The following OR5T2 variants were observed in gnomAD, a reference collection of about 807,000 sequenced individuals.
OR5T2 encodes olfactory receptor 5T2.
In OR5T2, 12 loss-of-function variants were observed where a neutral mutation model predicts 13.7. The ratio of observed to expected loss-of-function variants is 0.88; its 90% CI spans 0.56 to 1.42. OR5T2 has a LOEUF of 1.42. Ranked by LOEUF, OR5T2 falls within the 40% of genes most tolerant of loss-of-function variation. OR5T2 has a pLI of 0.00. For missense variants in OR5T2, 475 were observed against 372.0 expected, an observed-to-expected ratio of 1.28 and a Z score of -2.28; for synonymous variants, 146 against 139.5, an observed-to-expected ratio of 1.05 and a Z score of -0.33.
At chr11:56,233,687 A>G (rs2134765884) in intron 1 of OR5T2, among the ~76,000 whole-genome samples, 1 of 152,240 alleles carries the variant, frequency 6.6e-6, no homozygotes, top group South Asian at 2.1e-4. Context: ...ATTAAATCCA[A>G]TGAACAGTTA....
chr11:56,233,226 A>G lies in OR5T2; in HGVS notation c.-164T>C. ...TAATTCTCTAGTAGTGAATCAGAAGACAGTGACAAACTGGTCAGCCATGTG... is the reference window on the plus strand; with the variant it reads ...TAATTCTCTAGTAGTGAATCAGAAGGCAGTGACAAACTGGTCAGCCATGTG... On this transcript the variant is annotated 5_prime_UTR_variant, in exon 2 of 2. Coordinates refer to ENST00000641661, the MANE Select transcript of OR5T2 (RefSeq NM_001004746.4). 2 of 1,447,368 alleles carry G rather than the reference A, an allele frequency of 1.4e-6. No homozygotes were observed. The highest frequency in any genetic ancestry group is 1.8e-6 in the Non-Finnish European group (2 of 1,096,800). 89.7% of individuals were successfully genotyped at this position (1,447,368 alleles called of 1,614,324 possible). A position where few individuals can be genotyped will look rare whatever the true frequency, so the allele number is the denominator to read the frequency against.
rs761238516 is a variant in OR5T2 at position 56,233,034 on chromosome 11, A to G, written c.29T>C (p.Phe10Ser). 4 of 1,607,112 alleles carry G rather than the reference A, an allele frequency of 2.5e-6. No homozygotes were observed. Among genetic ancestry groups the G allele is most frequent in the Middle Eastern group, 1.7e-4 (1 of 6,036 alleles). MKNVTEVTL[F>S]VLKGFTDNLE... ...ATTGTCTGTGAAGCCCTTCAGTACA[A>G]ATAAGGTAACTTCAGTGACATTCTT... Residue 10 changes from phenylalanine (F) to serine (S), a missense_variant, in exon 2 of 2, where the codon TTT becomes TCT. By Grantham distance (155) the Phe-to-Ser change is radical. Coordinates refer to ENST00000641661, the MANE Select transcript of OR5T2 (RefSeq NM_001004746.4).
chr11:56,232,543 G>A lies in OR5T2; in HGVS notation c.520C>T (p.Arg174Cys), dbSNP rs751273591. The stretch of plus-strand genomic sequence containing the variant: ...AGAGGAGGGATATCACAAAAGACAC[G>A]CCTAATTTCATTGGCTCCACAGAAG... Reference protein sequence around the residue: ...LSFCGANEIRRVFCDIPPLLA... With the variant: ...LSFCGANEIRCVFCDIPPLLA... The change falls in exon 2 of 2, where the codon CGT becomes TGT. Residue 174 changes from arginine (R) to cysteine (C), a missense_variant. Coordinates refer to ENST00000641661, the MANE Select transcript of OR5T2 (RefSeq NM_001004746.4). 2.5e-5 allele frequency: 41 copies of A among 1,613,202 alleles called. No homozygotes were observed. The highest frequency in any genetic ancestry group is 1.6e-4 in the Middle Eastern group (1 of 6,078).
Position 56,233,178 on chromosome 11 carries a change from T to C in OR5T2, c.-116A>G. ...GTTAACTGTGCTCTTGTATATACTGTACGACATATATTCAGCAGTGCATAA... is the reference window on the plus strand; with the variant it reads ...GTTAACTGTGCTCTTGTATATACTGCACGACATATATTCAGCAGTGCATAA... On this transcript the variant is annotated 5_prime_UTR_variant, in exon 2 of 2. Transcript: ENST00000641661. 3 of 1,526,088 alleles carry C rather than the reference T, an allele frequency of 2.0e-6. No individual in the cohort carries two copies. The South Asian group carries it at 3.9e-5, about 20-fold the overall frequency. 94.5% of individuals were successfully genotyped at this position (1,526,088 alleles called of 1,614,324 possible).
At position 56,233,273 on chromosome 11, in the gene OR5T2, T is replaced by C; in HGVS notation, c.-202-9A>G. The C allele has an allele frequency of 1.9e-6, 2 of 1,068,064 alleles. No individual in the cohort carries two copies. Among genetic ancestry groups the C allele is most frequent in the Non-Finnish European group, 2.6e-6 (2 of 784,274 alleles). 66.2% of individuals were successfully genotyped at this position (1,068,064 alleles called of 1,614,324 possible). On this transcript the variant is annotated splice_polypyrimidine_tract_variant and intron_variant, in intron 1 of 1. Coordinates refer to ENST00000641661, the MANE Select transcript of OR5T2 (RefSeq NM_001004746.4). ...TGTGTTCATGCCACTCACTGCAGAATCAAATGGAAGAAATGGACGTTCATT... is the reference window on the plus strand; with the variant it reads ...TGTGTTCATGCCACTCACTGCAGAACCAAATGGAAGAAATGGACGTTCATT...
rs143582745 is a variant in OR5T2, at chr11:56,231,784, C to A, written c.*322G>T. ...CCCCAGAAGCTCACTGAACCCTATC[C>A]TCCTAGGTTCTATGGAAGCTTCAAG... On this transcript the variant is annotated 3_prime_UTR_variant, in exon 2 of 2. Coordinates refer to ENST00000641661, the MANE Select transcript of OR5T2 (RefSeq NM_001004746.4). 4.1e-4 allele frequency: 80 copies of A among 197,136 alleles called. No individual in the cohort carries two copies. The East Asian group carries it at 6.5e-3, about 16-fold the overall frequency. 12.2% of individuals were successfully genotyped at this position (197,136 alleles called of 1,614,324 possible).
At chr11:56,233,352 C>T (rs1224713635) in intron 1 of OR5T2, 88 bp from the exon 2 acceptor site, 1 of 489,372 alleles carries the variant, frequency 2.0e-6, no homozygotes, top group Non-Finnish European at 3.6e-6. Context: ...GGTTAATTTA[C>T]CACTGAATTG....
rs1853274933 is a variant in OR5T2, at chr11:56,231,386, C to A, written c.*720G>T. 6.6e-6 allele frequency: 1 copy of A among 152,162 alleles called. No individual in the cohort carries two copies. Among genetic ancestry groups the A allele is most frequent in the Non-Finnish European group, 1.5e-5 (1 of 68,044 alleles). The allele number at this position is 152,162 out of a possible 1,614,324, so 9.4% of individuals were successfully genotyped here. A position where few individuals can be genotyped will look rare whatever the true frequency, so the allele number is the denominator to read the frequency against. On this transcript the variant is annotated 3_prime_UTR_variant, in exon 2 of 2. Coordinates refer to ENST00000641661, the MANE Select transcript of OR5T2 (RefSeq NM_001004746.4). ...TGGGTAGGGATTTCTTCCTCCCACA[C>A]CACGTGGTAATCACCAACTGGGTAT...
Position 56,232,578 on chromosome 11 carries a change from A to G in OR5T2, c.485T>C (p.Phe162Ser), listed in dbSNP as rs1261607534. Residue 162 changes from phenylalanine to serine, a missense_variant, in exon 2 of 2, where the codon TTT becomes TCT. Phe to Ser is a radical substitution (Grantham distance 155, BLOSUM62 -2). Transcript: ENST00000641661. ...ATTGGCTCCACAGAAGGATAGGCTA[A>G]ATGTAGCCACTGTATGTATAGTAGC... ...LHATIHTVAT[F>S]SLSFCGANEI... The G allele has an allele frequency of 1.2e-6, 2 of 1,614,064 alleles. No individual in the cohort carries two copies. Among genetic ancestry groups the G allele is most frequent in the Non-Finnish European group, 1.7e-6 (2 of 1,179,986 alleles).
chr11:56,233,869 A>G (rs977033405), intron 1 of OR5T2, among the ~76,000 whole-genome samples: 1 of 151,856 alleles, frequency 6.6e-6, no homozygotes, highest in African/African-American at 2.4e-5. Context: ...AGATACTTCA[A>G]CCAAATTTCT....
chr11:56,233,234 A>G lies in OR5T2; in HGVS notation c.-172T>C, dbSNP rs1404017212. The G allele has an allele frequency of 4.2e-6, 6 of 1,443,116 alleles. No individual in the cohort carries two copies. Among genetic ancestry groups the G allele is most frequent in the South Asian group, 1.6e-5 (1 of 61,516 alleles). The allele number at this position is 1,443,116 out of a possible 1,614,324, so 89.4% of individuals were successfully genotyped here. ...TAGTAGTGAATCAGAAGACAGTGAC[A>G]AACTGGTCAGCCATGTGTTCATGCC... On this transcript the variant is annotated 5_prime_UTR_variant, in exon 2 of 2. Coordinates refer to ENST00000641661, the MANE Select transcript of OR5T2 (RefSeq NM_001004746.4).
chr11:56,233,077 C>G lies in OR5T2; in HGVS notation c.-15G>C, dbSNP rs755042893. 5.6e-6 allele frequency: 9 copies of G among 1,608,114 alleles called. No homozygotes were observed. The highest frequency in any genetic ancestry group is 7.7e-6 in the Non-Finnish European group (9 of 1,175,430). On this transcript the variant is annotated 5_prime_UTR_variant, in exon 2 of 2. Transcript: ENST00000641661. ...ACATTCTTCATGTTGAAATCTAGAA[C>G]AAACTTGAAGATATGCATAAAGTTA...
rs961310231 is a variant in OR5T2, at chr11:56,231,928, G to A, written c.*178C>T. ...CCTTGGTGCAAGTGAAAGGAGGGCA[G>A]GAGAAGGTAAAAGGCCTGCCCCTGA... On this transcript the variant is annotated 3_prime_UTR_variant, in exon 2 of 2. Transcript: ENST00000641661. 5 of 493,506 alleles carry A rather than the reference G, an allele frequency of 1.0e-5. No individual in the cohort carries two copies. The Admixed American group carries it at 1.5e-4, about 15-fold the overall frequency. 30.6% of individuals were successfully genotyped at this position (493,506 alleles called of 1,614,324 possible). A position where few individuals can be genotyped will look rare whatever the true frequency, so the allele number is the denominator to read the frequency against.
chr11:56,232,965 T>C lies in OR5T2; in HGVS notation c.98A>G (p.Tyr33Cys). 6.2e-7 allele frequency: 1 copy of C among 1,609,482 alleles called. No individual in the cohort carries two copies. ...TIFFFLFLAI[Y>C]LFTLMGNLGL... ...TAAATTTCCCATGAGAGTGAAGAGG[T>C]AGATTGCTAGAAACAGGAAGAAGAA... The change falls in exon 2 of 2, where the codon TAC (tyrosine) becomes TGC (cysteine). Residue 33 changes from tyrosine (Y) to cysteine (C), a missense_variant. Coordinates refer to ENST00000641661, the MANE Select transcript of OR5T2 (RefSeq NM_001004746.4).
intron 1 of OR5T2, 107 bp from the exon 2 acceptor site, chr11:56,233,371 T>C (rs556120099): frequency 9.0e-5 from 38 of 420,360 alleles, no homozygotes; most frequent in Non-Finnish European, 8.3e-6. Flanking sequence ...TGTATTAAGC[T>C]GTTTATATAT....
chr11:56,232,859 A>T lies in OR5T2; in HGVS notation c.204T>A (p.Asp68Glu). 4 of 1,612,640 alleles carry T rather than the reference A, an allele frequency of 2.5e-6. No individual in the cohort carries two copies. Among genetic ancestry groups the T allele is most frequent in the Middle Eastern group, 1.7e-4 (1 of 6,050 alleles). Residue 68 changes from aspartate (D) to glutamate (E), a missense_variant, in exon 2 of 2, where the codon GAT becomes GAA. Asp to Glu is a conservative substitution (Grantham distance 45, BLOSUM62 2). Coordinates refer to ENST00000641661, the MANE Select transcript of OR5T2 (RefSeq NM_001004746.4). ...GGGTAATAACTGAGGAATAGCAGGC[A>T]TCCACAGAAGACAACATACTCAGAA... The part of the protein sequence containing the change: ...YYFLSMLSSV[D>E]ACYSSVITPN...
Position 56,232,614 on chromosome 11 carries a change from C to A in OR5T2, c.449G>T (p.Gly150Val). Residue 150 changes from glycine (G) to valine (V), a missense_variant, in exon 2 of 2, where the codon GGC becomes GTC. Coordinates refer to ENST00000641661, the MANE Select transcript of OR5T2 (RefSeq NM_001004746.4). ...MPLINASYVA[G>V]ILHATIHTVA... The stretch of plus-strand genomic sequence containing the variant: ...TGTATGTATAGTAGCATGTAAAATG[C>A]CAGCAACATAGGAAGCATTGATGAG... 1 of 1,614,010 alleles carries A rather than the reference C, an allele frequency of 6.2e-7. No homozygotes were observed. The highest frequency in any genetic ancestry group is 8.5e-7 in the Non-Finnish European group (1 of 1,179,968).
chr11:56,233,182 A>G lies in OR5T2; in HGVS notation c.-120T>C, dbSNP rs753478096. ...ACTGTGCTCTTGTATATACTGTACG[A>G]CATATATTCAGCAGTGCATAATTCT... On this transcript the variant is annotated 5_prime_UTR_variant, in exon 2 of 2. Transcript: ENST00000641661. The G allele has an allele frequency of 2.0e-6, 3 of 1,519,842 alleles. No individual in the cohort carries two copies. The highest frequency in any genetic ancestry group is 2.6e-6 in the Non-Finnish European group (3 of 1,132,664). 94.1% of individuals were successfully genotyped at this position (1,519,842 alleles called of 1,614,324 possible). A position where few individuals can be genotyped will look rare whatever the true frequency, so the allele number is the denominator to read the frequency against.
rs745835391 is a variant in OR5T2 at position 56,232,814 on chromosome 11, A to T, written c.249T>A (p.Phe83Leu). The T allele has an allele frequency of 3.1e-6, 5 of 1,613,800 alleles. No individual in the cohort carries two copies. Among genetic ancestry groups the T allele is most frequent in the African/African-American group, 1.3e-5 (1 of 74,920 alleles). ...SVITPNMLVD[F>L]TTKNKVISFL... ...ATGAAATGACTTTATTCTTTGTCGT[A>T]AAATCTACTAACATATTTGGGGTAA... The change falls in exon 2 of 2, where the codon TTT becomes TTA. Residue 83 changes from phenylalanine (F) to leucine (L), a missense_variant. By Grantham distance (22) the Phe-to-Leu change is conservative. Transcript: ENST00000641661.
Sources: allele counts gnomAD v4.1 joint callset (sites outside exome capture counted in the v4.1 genomes callset), GRCh38; gene constraint gnomAD v4.1.1; transcripts MANE v1.5; gene names NCBI Gene and HGNC (gene_info 2026-07-23, HGNC 2026-07-21).